Variants in FRK observed in about 807,000 individuals in gnomAD.
FRK encodes tyrosine-protein kinase FRK.
Under a neutral mutation model 56.4 loss-of-function variants are expected in FRK, and 51 were observed. The ratio of observed to expected loss-of-function variants is 0.90; its 90% CI spans 0.72 to 1.14. The LOEUF (loss-of-function observed/expected upper bound fraction) is 1.14. Ranked by LOEUF, FRK falls within the 50% of genes most tolerant of loss-of-function variation. The probability of loss-of-function intolerance (pLI) is 0.00; values close to 1 mark genes in which losing one functional copy is unlikely to be tolerated. For missense variants in FRK, 570 were observed against 601.4 expected, an observed-to-expected ratio of 0.95 and a Z score of 0.55; for synonymous variants, 245 against 217.9, an observed-to-expected ratio of 1.12 and a Z score of -1.10.
chr6:116,030,582 A>T (rs575485489), intron 1 of FRK, among the ~76,000 whole-genome samples: 4 of 152,126 alleles, frequency 2.6e-5, no homozygotes, highest in African/African-American at 9.6e-5. Context: ...CTAATAATTG[A>T]TCATACCCAC....
chr6:115,955,345 A>G (rs1156904823), intron 5 of FRK, among the ~76,000 whole-genome samples: 1 of 152,182 alleles, frequency 6.6e-6, no homozygotes, highest in African/African-American at 2.4e-5. Flanking sequence ...GGAATAGGCC[A>G]TTAGATGTAA....
In FRK at chr6:116,003,940, T is replaced by A. The variant is rs1775157626; in HGVS notation, c.403A>T (p.Asn135Tyr). ...CTGATTAGAAAGGAACCGGTCTTGT[T>A]TTCTGAATATAATAGTTGTTTCTCT... The part of the protein sequence containing the change: ...DAEKQLLYSE[N>Y]KTGSFLIRES... Residue 135 changes from asparagine (N) to tyrosine (Y), a missense_variant, in exon 2 of 8, where the codon AAC becomes TAC. Transcript: ENST00000606080. The A allele has an allele frequency of 6.2e-7, 1 of 1,613,338 alleles. No homozygotes were observed. Among genetic ancestry groups the A allele is most frequent in the Admixed American group, 1.7e-5 (1 of 60,002 alleles).
chr6:116,076,421 C>G, the FRK span, among the ~76,000 whole-genome samples: 1 of 152,144 alleles, frequency 6.6e-6, no homozygotes, highest in South Asian at 2.1e-4. Flanking sequence ...ACTATTGAGT[C>G]ATTTTCTTGA....
chr6:116,054,235 A>G (rs956784467), intron 1 of FRK, among the ~76,000 whole-genome samples: 5 of 150,586 alleles, frequency 3.3e-5, no homozygotes, highest in African/African-American at 7.3e-5. Context: ...ATTTTACATC[A>G]TCATAAATAA....
intron 2 of FRK, among the ~76,000 whole-genome samples, chr6:115,977,983 T>TTACAATTTCCCATGAAAAG (rs1239974676): frequency 6.6e-6 from 1 of 152,114 alleles, no homozygotes; most frequent in Non-Finnish European, 1.5e-5. Flanking sequence ...TAATTGAAAA[T>TTACAATTTCCCATGAAAAG]TACAATTTCC....
intron 3 of FRK, 44 bp downstream of exon 3, chr6:115,968,532 A>C: frequency 6.3e-7 from 1 of 1,580,084 alleles, no homozygotes; most frequent in Non-Finnish European, 8.6e-7. Flanking sequence ...CTGAAGGAAA[A>C]AAGTTAACTT....
intron 1 of FRK, among the ~76,000 whole-genome samples, chr6:116,049,210 G>C (rs549100084): frequency 1.3e-5 from 2 of 152,006 alleles, no homozygotes; most frequent in South Asian, 4.2e-4. Flanking sequence ...CTTGTTCCTG[G>C]CTATTTTTCC....
At chr6:115,989,890 T>C (rs1243401387) in intron 2 of FRK, among the ~76,000 whole-genome samples, 1 of 151,948 alleles carries the variant, frequency 6.6e-6, no homozygotes, top group East Asian at 1.9e-4. Context: ...TTATACTAAT[T>C]TACATTCCCA....
intron 1 of FRK, among the ~76,000 whole-genome samples, chr6:116,018,554 A>G (rs1775740490): frequency 6.6e-6 from 1 of 152,190 alleles, no homozygotes; most frequent in East Asian, 1.9e-4. Flanking sequence ...GTAGACTAAA[A>G]TGTTTGCTCT....
the FRK span, among the ~76,000 whole-genome samples, chr6:116,071,825 T>C: frequency 1.3e-5 from 2 of 152,152 alleles, no homozygotes; most frequent in Non-Finnish European, 2.9e-5. Context: ...AAGGAGAGTC[T>C]CTCACATTGC....
At chr6:115,992,159 A>C (rs1469405937) in intron 2 of FRK, among the ~76,000 whole-genome samples, 1 of 151,674 alleles carries the variant, frequency 6.6e-6, no homozygotes, top group Non-Finnish European at 1.5e-5. Context: ...GCTCTTTCAA[A>C]GTAAGAAAGG....
At chr6:115,991,835 A>G (rs2114663857) in intron 2 of FRK, among the ~76,000 whole-genome samples, 1 of 151,826 alleles carries the variant, frequency 6.6e-6, no homozygotes, top group Admixed American at 6.6e-5. Context: ...GAATAGCTGC[A>G]GTAAGATTGA....
At chr6:115,981,311 G>T (rs879770779) in intron 2 of FRK, among the ~76,000 whole-genome samples, 3 of 151,844 alleles carry the variant, frequency 2.0e-5, no homozygotes, top group Admixed American at 6.6e-5. Flanking sequence ...TTTTAAAGAT[G>T]GTTTAATTTT....
chr6:116,057,318 A>C (rs933146030), intron 1 of FRK, among the ~76,000 whole-genome samples: 4 of 152,252 alleles, frequency 2.6e-5, no homozygotes, highest in African/African-American at 4.8e-5. Flanking sequence ...AACTCACTGA[A>C]GAAAAAATAT....
chr6:116,088,733 A>T, the FRK span, among the ~76,000 whole-genome samples: 1 of 152,212 alleles, frequency 6.6e-6, no homozygotes, highest in Non-Finnish European at 1.5e-5. Context: ...ATGTCTGACA[A>T]ATTCAATAAT....
the FRK span, among the ~76,000 whole-genome samples, chr6:116,078,378 T>C: frequency 6.6e-6 from 1 of 152,142 alleles, no homozygotes; most frequent in Non-Finnish European, 1.5e-5. Context: ...CCTTGACCAA[T>C]CTGGGAAAAT....
At chr6:116,083,207 A>G in the FRK span, among the ~76,000 whole-genome samples, 3 of 152,256 alleles carry the variant, frequency 2.0e-5, no homozygotes, top group Admixed American at 2.0e-4. Context: ...AAATAACGTC[A>G]GTGACTCTAC....
chr6:116,062,780 T>A (rs1428845631), upstream of FRK, among the ~76,000 whole-genome samples: 1 of 152,202 alleles, frequency 6.6e-6, no homozygotes, highest in East Asian at 1.9e-4. Flanking sequence ...ACCAGAATTC[T>A]CCAGTCACTC....
chr6:116,038,307 C>T (rs1450657402), intron 1 of FRK, among the ~76,000 whole-genome samples: 1 of 151,974 alleles, frequency 6.6e-6, no homozygotes, highest in East Asian at 1.9e-4. Flanking sequence ...ATTTAAGGTT[C>T]TAAAATGTAA....
Sources: gnomAD v4.1 joint callset for allele counts (sites outside exome capture counted in the v4.1 genomes callset) on GRCh38, gnomAD v4.1.1 for gene constraint, MANE v1.5 for transcripts, NCBI Gene and HGNC (gene_info 2026-07-23, HGNC 2026-07-21) for gene names.